C2orf76: variants seen among roughly 807,000 people sequenced by gnomAD.
The protein encoded by C2orf76 is UPF0538 protein C2orf76.
In C2orf76, 23 loss-of-function variants were observed where a neutral mutation model predicts 16.9. That is an observed-to-expected ratio of 1.36 (90% CI 0.98 to 1.93). The LOEUF (loss-of-function observed/expected upper bound fraction) is 1.93, where lower values mean the gene tolerates loss of function less well. Among genes scored for constraint, C2orf76 ranks in the 30% most tolerant of loss-of-function variants. The pLI, the probability that C2orf76 is intolerant of heterozygous loss-of-function variation, is 0.00. For missense variants in C2orf76, 152 were observed against 152.6 expected (o/e 1.00, Z 0.02); for synonymous variants, 48 against 52.3 (o/e 0.92, Z 0.35).
chr2:119,311,531 C>A, intron 5 of C2orf76, 91 bp downstream of exon 5: 1 of 1,516,762 alleles, frequency 6.6e-7, no homozygotes, highest in Non-Finnish European at 8.8e-7. Context: ...ACAGCATTTA[C>A]TTTCCAGTGA....
At chr2:119,293,660 G>A in the C2orf76 span, among the ~76,000 whole-genome samples, 1 of 152,216 alleles carries the variant, frequency 6.6e-6, no homozygotes. Context: ...AAGAATGGTG[G>A]TGCCTTGGAC....
At chr2:119,336,018 C>G (rs1031101822) in intron 2 of C2orf76, among the ~76,000 whole-genome samples, 4 of 152,058 alleles carry the variant, frequency 2.6e-5, no homozygotes, top group African/African-American at 7.2e-5. Flanking sequence ...ATTGGTTTGT[C>G]TAGTATTCTG....
At chr2:119,286,224 CAAAAA>C in the C2orf76 span, among the ~76,000 whole-genome samples, 3 of 60,362 alleles carry the variant, frequency 5.0e-5, no homozygotes, top group Non-Finnish European at 9.9e-5. Context: ...GACTCCATCT[CAAAAA>C]AAAAAAAAAA....
In C2orf76 at chr2:119,334,596, G is replaced by A. The variant is rs76544385; in HGVS notation, c.133+5231C>T. ...TCCCAGCTACTCAGGAGGCTATGGT[G>A]GGAGAATCACCAGGGTCCGGGAGGT... On this transcript the variant is annotated intron_variant, in intron 2 of 5. Transcript: ENST00000334816. 4.8e-3 allele frequency among the ~76,000 whole-genome samples: 729 copies of A among 151,528 alleles called. 7 individuals are homozygous for A. Among genetic ancestry groups the A allele is most frequent in the African/African-American group, 0.016 (656 of 41,288 alleles).
chr2:119,330,277 TGAGGCAG>T (rs1428931696), intron 2 of C2orf76, among the ~76,000 whole-genome samples: 4 of 150,478 alleles, frequency 2.7e-5, no homozygotes, highest in Non-Finnish European at 5.9e-5. Flanking sequence ...CTTGGGAGGC[TGAGGCAG>T]GAGAATCGCT....
intron 2 of C2orf76, among the ~76,000 whole-genome samples, chr2:119,323,341 A>G (rs1177771125): frequency 2.0e-5 from 3 of 152,130 alleles, no homozygotes; most frequent in Non-Finnish European, 4.4e-5. Flanking sequence ...TTTTTTTAAA[A>G]TGCTTTTTCA....
At chr2:119,311,855 C>G in intron 4 of C2orf76, 152 bp from the exon 5 acceptor site, 2 of 706,148 alleles carry the variant, frequency 2.8e-6, no homozygotes, top group Non-Finnish European at 4.6e-6. Context: ...TGAACAGAGG[C>G]ACAGTGAGGT....
chr2:119,350,595 A>C (rs978469578), intron 1 of C2orf76, among the ~76,000 whole-genome samples: 5 of 152,230 alleles, frequency 3.3e-5, no homozygotes, highest in Non-Finnish European at 7.3e-5. Flanking sequence ...AGAGCAGCCC[A>C]GCACCCTCCC....
chr2:119,326,573 G>A lies in C2orf76; in HGVS notation c.134-5369C>T, dbSNP rs56352241. On this transcript the variant is annotated intron_variant, in intron 2 of 5. Coordinates refer to ENST00000334816, the MANE Select transcript of C2orf76 (RefSeq NM_001322331.2). The stretch of plus-strand genomic sequence containing the variant: ...CTTTTGCCTTTCCTTACAAATTTTA[G>A]AATAAGTTTGGTATTATCTGAAAGG... 5.1e-3 allele frequency among the ~76,000 whole-genome samples: 739 copies of A among 146,086 alleles called. 7 individuals are homozygous for A. Among genetic ancestry groups the A allele is most frequent in the African/African-American group, 0.017 (663 of 39,088 alleles).
At chr2:119,291,864 A>AG in the C2orf76 span, among the ~76,000 whole-genome samples, 1 of 152,086 alleles carries the variant, frequency 6.6e-6, no homozygotes, top group Non-Finnish European at 1.5e-5. Flanking sequence ...GCACCGAGCT[A>AG]GGTCACCTTA....
chr2:119,313,609 A>G (rs1019948090), intron 4 of C2orf76, among the ~76,000 whole-genome samples: 1 of 152,010 alleles, frequency 6.6e-6, no homozygotes. Context: ...AAAACAAAAA[A>G]CAAAGAATAA....
At chr2:119,282,291 TA>T in the C2orf76 span, among the ~76,000 whole-genome samples, 1 of 152,184 alleles carries the variant, frequency 6.6e-6, no homozygotes. Flanking sequence ...CTTATACCAA[TA>T]GGTCGGCTCT....
chr2:119,339,271 A>C (rs973991114), intron 2 of C2orf76, among the ~76,000 whole-genome samples: 7 of 152,234 alleles, frequency 4.6e-5, no homozygotes, highest in Admixed American at 2.0e-4. Flanking sequence ...ACACTTCAAT[A>C]ATTAAAAATG....
At chr2:119,299,594 T>A (rs1678586128), downstream of C2orf76, among the ~76,000 whole-genome samples, 1 of 152,220 alleles carries the variant, frequency 6.6e-6, no homozygotes. Context: ...CTGCAGGCTC[T>A]AGGGAACAAT....
intron 1 of C2orf76, among the ~76,000 whole-genome samples, chr2:119,359,666 G>A (rs1680681758): frequency 6.6e-6 from 1 of 152,170 alleles, no homozygotes; most frequent in Non-Finnish European, 1.5e-5. Flanking sequence ...AAGACAACTA[G>A]AACTAGAAGT....
chr2:119,364,227 AT>A lies in C2orf76; in HGVS notation c.-13+2562del, dbSNP rs376545132. Reference sequence around the variant, plus strand: ...GACAAGAGTGGTTTCTATGAAAAAAATATAAATAAATAATAAATAAAAAGTG... The same window carrying A: ...GACAAGAGTGGTTTCTATGAAAAAAAATAAATAAATAATAAATAAAAAGTG... On this transcript the variant is annotated intron_variant, in intron 1 of 5. Coordinates refer to ENST00000334816, the MANE Select transcript of C2orf76 (RefSeq NM_001322331.2). 4.9e-3 allele frequency among the ~76,000 whole-genome samples: 749 copies of A among 152,310 alleles called. 8 individuals are homozygous for A. The highest frequency in any genetic ancestry group is 0.016 in the African/African-American group (665 of 41,578).
chr2:119,351,907 T>C (rs1680419771), intron 1 of C2orf76, among the ~76,000 whole-genome samples: 1 of 152,166 alleles, frequency 6.6e-6, no homozygotes, highest in Non-Finnish European at 1.5e-5. Context: ...AATGTTAGTA[T>C]GTAGGTGAAT....
chr2:119,349,259 T>C (rs770458687), intron 1 of C2orf76, among the ~76,000 whole-genome samples: 1 of 152,244 alleles, frequency 6.6e-6, no homozygotes, highest in Non-Finnish European at 1.5e-5. Context: ...TTTTCTGATA[T>C]ATGTGTATGC....
rs75261346 is a variant in C2orf76 at position 119,305,508 on chromosome 2, G to A, written c.305-2960C>T. ...TAGCCTCATGCTAGTCAGCACCAAC[G>A]TAGTATGAGGCACAGCCCCTGTTGT... On this transcript the variant is annotated intron_variant, in intron 5 of 5. Coordinates refer to ENST00000334816, the MANE Select transcript of C2orf76 (RefSeq NM_001322331.2). 7.8e-3 allele frequency among the ~76,000 whole-genome samples: 1,194 copies of A among 152,298 alleles called. 19 individuals are homozygous for A. Among genetic ancestry groups the A allele is most frequent in the Non-Finnish European group, 0.013 (851 of 68,034 alleles).
Sources: allele counts gnomAD v4.1 joint callset (sites outside exome capture counted in the v4.1 genomes callset), GRCh38; gene constraint gnomAD v4.1.1; transcripts MANE v1.5; gene names NCBI Gene and HGNC (gene_info 2026-07-23, HGNC 2026-07-21).